SRRM2: variants seen among roughly 807,000 people sequenced by gnomAD.
SRRM2 encodes serine/arginine repetitive matrix protein 2.
SRRM2 carries 30 observed loss-of-function variants against 213.8 expected under a neutral mutation model. The ratio of observed to expected loss-of-function variants is 0.14; its 90% CI spans 0.10 to 0.19. SRRM2 has a LOEUF of 0.19. Ranked by LOEUF, SRRM2 falls within the 10% of genes least tolerant of loss-of-function variation. The pLI, the probability that SRRM2 is intolerant of heterozygous loss-of-function variation, is 1.00. For missense variants in SRRM2, 4,904 were observed against 3,647.0 expected, an observed-to-expected ratio of 1.34 and a Z score of -8.88; for synonymous variants, 2,025 against 1,377.7, an observed-to-expected ratio of 1.47 and a Z score of -10.40.
intron 1 of SRRM2, among the ~76,000 whole-genome samples, chr16:2,754,840 C>A (rs1418084704): frequency 6.6e-6 from 1 of 152,056 alleles, no homozygotes; most frequent in African/African-American, 2.4e-5. Flanking sequence ...TTCATTTTTT[C>A]CTGGATTTCT....
At position 2,765,305 on chromosome 16, in the gene SRRM2, C is replaced by T. The variant is rs140949496; in HGVS notation, c.4777C>T (p.Pro1593Ser). 14 of 1,614,022 alleles carry T rather than the reference C, an allele frequency of 8.7e-6. No individual in the cohort carries two copies. The highest frequency in any genetic ancestry group is 2.2e-5 in the East Asian group (1 of 44,888). Reference protein sequence around the residue: ...PEVDSKSRLSPRRSRSGSSPE... With the variant: ...PEVDSKSRLSSRRSRSGSSPE... ...GGTTGACAGCAAATCTCGACTATCCCCTCGGCGCAGTAGGTCTGGTTCCTC... is the reference window on the plus strand; with the variant it reads ...GGTTGACAGCAAATCTCGACTATCCTCTCGGCGCAGTAGGTCTGGTTCCTC... Residue 1593 changes from proline to serine, a missense_variant, in exon 11 of 15, where the codon CCT (proline) becomes TCT (serine). Pro to Ser is a moderately conservative substitution (Grantham distance 74). Transcript: ENST00000301740.
rs768373304 is a variant in SRRM2, at chr16:2,770,693, G to T, written c.8225G>T (p.Arg2742Leu). The T allele has an allele frequency of 6.4e-6, 10 of 1,557,968 alleles. No individual in the cohort carries two copies. The highest frequency in any genetic ancestry group is 8.7e-6 in the Non-Finnish European group (10 of 1,149,794). The change falls in exon 14 of 15, where the codon CGG (arginine) becomes CTG (leucine). Residue 2742 changes from arginine to leucine, a missense_variant. By Grantham distance (102) the Arg-to-Leu change is moderately radical. Coordinates refer to ENST00000301740, the MANE Select transcript of SRRM2 (RefSeq NM_016333.4). ...HKRRRETPSP[R>L]PMRHRSSRSP is the part of the protein sequence containing the mutation. Reference sequence around the variant, plus strand: ...CGCAGGAGGGAGACACCTAGCCCTCGGCCCATGAGACACCGCTCCTCCAGG... The same window carrying T: ...CGCAGGAGGGAGACACCTAGCCCTCTGCCCATGAGACACCGCTCCTCCAGG...
chr16:2,758,005 A>AT, intron 4 of SRRM2, 60 bp downstream of exon 4: 1 of 1,547,908 alleles, frequency 6.5e-7, no homozygotes, highest in Non-Finnish European at 8.7e-7. Flanking sequence ...TCCATGCTCT[A>AT]TTTTTGTCTT....
rs1250446769 is a variant in SRRM2 at position 2,763,322 on chromosome 16, G to C, written c.2794G>C (p.Gly932Arg). ...IISPRQRSHS[G>R]SSSPSPSRVT... ...ATCACCAAGACAAAGAAGCCATTCTGGCTCCTCTTCTCCAAGTCCTAGTAG... is the reference window on the plus strand; with the variant it reads ...ATCACCAAGACAAAGAAGCCATTCTCGCTCCTCTTCTCCAAGTCCTAGTAG... The change falls in exon 11 of 15, where the codon GGC (glycine) becomes CGC (arginine). Residue 932 changes from glycine to arginine, a missense_variant. Coordinates refer to ENST00000301740, the MANE Select transcript of SRRM2 (RefSeq NM_016333.4). 2 of 1,613,978 alleles carry C rather than the reference G, an allele frequency of 1.2e-6. No individual in the cohort carries two copies. Among genetic ancestry groups the C allele is most frequent in the East Asian group, 4.5e-5 (2 of 44,894 alleles).
At chr16:2,753,824 C>T (rs1284541381) in intron 1 of SRRM2, among the ~76,000 whole-genome samples, 1 of 152,216 alleles carries the variant, frequency 6.6e-6, no homozygotes, top group African/African-American at 2.4e-5. Flanking sequence ...TGTGTCCACT[C>T]AGCCGCTCTG....
chr16:2,765,598 C>T lies in SRRM2; in HGVS notation c.5070C>T (p.Ser1690=), dbSNP rs755226632. The T allele has an allele frequency of 8.7e-6, 14 of 1,614,066 alleles. No homozygotes were observed. The Admixed American group carries it at 2.3e-4, about 27-fold the overall frequency. The change falls in exon 11 of 15, where the codon AGC becomes AGT. Residue 1690 remains serine, a synonymous_variant. Coordinates refer to ENST00000301740, the MANE Select transcript of SRRM2 (RefSeq NM_016333.4). The part of the protein sequence containing the change: ...TKSRTPPRRR[S]SRSSPELTRK... The stretch of plus-strand genomic sequence containing the variant: ...CTCGTACACCACCTCGACGTCGCAG[C>T]TCTCGATCATCTCCGGAGCTAACAA...
At position 2,759,355 on chromosome 16, in the gene SRRM2, T is replaced by C. The variant is rs778926980; in HGVS notation, c.693T>C (p.Ser231=). ...ESESKKRKHR[S]PTPKSKRKSK... is the part of the protein sequence containing the mutation. ...ACAACCTTTCCTTATTTCCCAGGTCTCCCACTCCAAAGAGCAAACGTAAAT... is the reference window on the plus strand; with the variant it reads ...ACAACCTTTCCTTATTTCCCAGGTCCCCCACTCCAAAGAGCAAACGTAAAT... The change falls in exon 8 of 15, where the codon TCT becomes TCC. Residue 231 remains serine, a synonymous_variant. Coordinates refer to ENST00000301740, the MANE Select transcript of SRRM2 (RefSeq NM_016333.4). 5 of 1,601,574 alleles carry C rather than the reference T, an allele frequency of 3.1e-6. No homozygotes were observed. The highest frequency in any genetic ancestry group is 4.2e-6 in the Non-Finnish European group (5 of 1,176,810).
At chr16:2,757,371 C>T in intron 2 of SRRM2, 101 bp from the exon 3 acceptor site, 1 of 943,594 alleles carries the variant, frequency 1.1e-6, no homozygotes, top group East Asian at 2.4e-5. Flanking sequence ...TCTGTGTGCG[C>T]ATGGAGAGGG....
rs1314238617 is a variant in SRRM2 at position 2,767,708 on chromosome 16, A to G, written c.7180A>G (p.Ser2394Gly). ...GCCCCTTTCTGCCTACGAGCGTGTC[A>G]GTGGCAGAACCTCACCACCGCTCCT... is the stretch of plus-strand genomic sequence containing the variant. The part of the protein sequence containing the change: ...RVPLSAYERV[S>G]GRTSPPLLDR... The change falls in exon 11 of 15, where the codon AGT becomes GGT. Residue 2394 changes from serine to glycine, a missense_variant. Ser to Gly is a moderately conservative substitution (Grantham distance 56). Coordinates refer to ENST00000301740, the MANE Select transcript of SRRM2 (RefSeq NM_016333.4). 1.9e-6 allele frequency: 3 copies of G among 1,613,500 alleles called. No individual in the cohort carries two copies. The highest frequency in any genetic ancestry group is 4.5e-5 in the East Asian group (2 of 44,876).
chr16:2,756,224 G>A (rs1368610211), intron 1 of SRRM2, 110 bp from the exon 2 acceptor site: 10 of 1,047,752 alleles, frequency 9.5e-6, no homozygotes, highest in Non-Finnish European at 1.1e-5. Flanking sequence ...GACTTAGTGT[G>A]AAGATCAATG....
intron 12 of SRRM2, 54 bp from the exon 13 acceptor site, chr16:2,770,286 GGTCCTGAGTGCT>G (rs2068695128): frequency 6.7e-7 from 1 of 1,492,580 alleles, no homozygotes; most frequent in Non-Finnish European, 9.0e-7. Context: ...CTGGGCGGGT[GGTCCTGAGTGCT>G]GGCCCGTGTG....
At position 2,766,147 on chromosome 16, in the gene SRRM2, C is replaced by G. The variant is rs2068533985; in HGVS notation, c.5619C>G (p.His1873Gln). 6.2e-7 allele frequency: 1 copy of G among 1,614,048 alleles called. No individual in the cohort carries two copies. The highest frequency in any genetic ancestry group is 1.3e-5 in the African/African-American group (1 of 74,902). ...RSRSRASPAT[H>Q]RRSRSRTPLI... ...GATCTCGAGCCTCTCCAGCCACTCA[C>G]CGGCGATCCAGGTCCAGAACCCCCC... The change falls in exon 11 of 15, where the codon CAC becomes CAG. Residue 1873 changes from histidine to glutamine, a missense_variant. His to Gln is a conservative substitution (Grantham distance 24, BLOSUM62 0). Coordinates refer to ENST00000301740, the MANE Select transcript of SRRM2 (RefSeq NM_016333.4). This position sits in a 1 kb window ranked among gnomAD's most constrained non-coding sequence, Gnocchi z 7.0.
In SRRM2 at chr16:2,763,312, A is replaced by C; in HGVS notation, c.2784A>C (p.Arg928Ser). The C allele has an allele frequency of 6.2e-7, 1 of 1,614,170 alleles. No individual in the cohort carries two copies. The highest frequency in any genetic ancestry group is 8.5e-7 in the Non-Finnish European group (1 of 1,180,028). ...AGGCAATAATATCACCAAGACAAAGAAGCCATTCTGGCTCCTCTTCTCCAA... is the reference window on the plus strand; with the variant it reads ...AGGCAATAATATCACCAAGACAAAGCAGCCATTCTGGCTCCTCTTCTCCAA... ...KVKAIISPRQ[R>S]SHSGSSSPSP... Residue 928 changes from arginine to serine, a missense_variant, in exon 11 of 15, where the codon AGA becomes AGC. By Grantham distance (110) the Arg-to-Ser change is moderately radical. Coordinates refer to ENST00000301740, the MANE Select transcript of SRRM2 (RefSeq NM_016333.4).
In SRRM2 at chr16:2,752,841, C is replaced by A; in HGVS notation, c.-37C>A. The A allele has an allele frequency of 3.6e-6, 1 of 276,644 alleles. No individual in the cohort carries two copies. Among genetic ancestry groups the A allele is most frequent in the Non-Finnish European group, 7.4e-6 (1 of 135,822 alleles). 17.1% of individuals were successfully genotyped at this position (276,644 alleles called of 1,614,324 possible). On this transcript the variant is annotated 5_prime_UTR_variant, in exon 1 of 15. Transcript: ENST00000301740. ...CCCCCTCGGAGGCGGCGGGCGGAGG[C>A]GGCGGGTGAGAGGGTGAGGGAGCCA...
At position 2,765,081 on chromosome 16, in the gene SRRM2, G is replaced by C; in HGVS notation, c.4553G>C (p.Gly1518Ala). Residue 1518 changes from glycine to alanine, a missense_variant, in exon 11 of 15, where the codon GGG becomes GCG. Gly to Ala is a moderately conservative substitution (Grantham distance 60). Transcript: ENST00000301740. The stretch of plus-strand genomic sequence containing the variant: ...CTTACCCCCCAGAGAGAAAGAAGCG[G>C]GTCAGAATCATCAGTTGATCAGAAA... The part of the protein sequence containing the change: ...KCLTPQRERS[G>A]SESSVDQKTV... 6 of 1,614,116 alleles carry C rather than the reference G, an allele frequency of 3.7e-6. No individual in the cohort carries two copies. The highest frequency in any genetic ancestry group is 5.1e-6 in the Non-Finnish European group (6 of 1,180,034).
chr16:2,770,876 T>TG lies in SRRM2; in HGVS notation c.*14dup, dbSNP rs1468201060. 1 of 1,613,904 alleles carries TG rather than the reference T, an allele frequency of 6.2e-7. No individual in the cohort carries two copies. The highest frequency in any genetic ancestry group is 1.1e-5 in the South Asian group (1 of 91,024). On this transcript the variant is annotated 3_prime_UTR_variant, in exon 15 of 15. Transcript: ENST00000301740. ...CTTGCAGGTCTCCATAAATTGTCTTTGGGGGATTCCACCACACCCAATGCT... is the reference window on the plus strand; with the variant it reads ...CTTGCAGGTCTCCATAAATTGTCTTTGGGGGGATTCCACCACACCCAATGCT...
rs763461214 is a variant in SRRM2, at chr16:2,763,539, C to T, written c.3011C>T (p.Pro1004Leu). 2 of 1,614,158 alleles carry T rather than the reference C, an allele frequency of 1.2e-6. No individual in the cohort carries two copies. The highest frequency in any genetic ancestry group is 1.1e-5 in the South Asian group (1 of 91,082). The change falls in exon 11 of 15, where the codon CCA becomes CTA. Residue 1004 changes from proline to leucine, a missense_variant. Transcript: ENST00000301740. ...SPYPKVKAQT[P>L]PGPSLSGSKS... is the part of the protein sequence containing the mutation. ...TACCCCAAAGTAAAGGCCCAAACTC[C>T]ACCGGGGCCAAGTCTTTCTGGATCA...
In SRRM2 at chr16:2,771,158, G is replaced by A; in HGVS notation, c.*291G>A. On this transcript the variant is annotated 3_prime_UTR_variant, in exon 15 of 15. Coordinates refer to ENST00000301740, the MANE Select transcript of SRRM2 (RefSeq NM_016333.4). ...TTCAGGATACCCCAGCCTGGAGTCA[G>A]GGCCAGGGAGGCATGGCCCCACTTG... 1 of 623,220 alleles carries A rather than the reference G, an allele frequency of 1.6e-6. No individual in the cohort carries two copies. The highest frequency in any genetic ancestry group is 2.8e-6 in the Non-Finnish European group (1 of 355,980). 38.6% of individuals were successfully genotyped at this position (623,220 alleles called of 1,614,324 possible).
chr16:2,758,421 G>C (rs1419438939), intron 4 of SRRM2, 49 bp from the exon 5 acceptor site: 1 of 1,433,730 alleles, frequency 7.0e-7, no homozygotes, highest in Non-Finnish European at 9.8e-7. Context: ...AGAAAAGAAA[G>C]GAATGTTTGT....
Sources: allele counts gnomAD v4.1 joint callset (sites outside exome capture counted in the v4.1 genomes callset), GRCh38; gene constraint gnomAD v4.1.1; non-coding constraint Gnocchi (gnomAD v3.1); transcripts MANE v1.5; gene names NCBI Gene and HGNC (gene_info 2026-07-23, HGNC 2026-07-21).